Variants in PARP1 observed in about 807,000 individuals in gnomAD.
The protein encoded by PARP1 is poly [ADP-ribose] polymerase 1.
Under a neutral mutation model 118.7 loss-of-function variants are expected in PARP1, and 44 were observed. The ratio of observed to expected loss-of-function variants is 0.37; its 90% CI spans 0.29 to 0.48. The LOEUF (loss-of-function observed/expected upper bound fraction) is 0.48. Ranked by LOEUF, PARP1 falls within the 20% of genes least tolerant of loss-of-function variation. The pLI is 0.99. For synonymous variants in PARP1, 492 were observed against 483.2 expected, an observed-to-expected ratio of 1.02 and a Z score of -0.24; for missense variants, 1,100 against 1,272.4, an observed-to-expected ratio of 0.86 and a Z score of 2.06.
At position 226,363,457 on chromosome 1, in the gene PARP1, CCA is replaced by C. The variant is rs201210598; in HGVS notation, c.2787-299_2787-298del. ...GGTTTCCGTCCACATTCCACAGTCC[CCA>C]GACCCCTGGCCTTTTACATGACCTT... On this transcript the variant is annotated intron_variant, in intron 20 of 22. Transcript: ENST00000366794. 6.2e-3 allele frequency among the ~76,000 whole-genome samples: 951 copies of C among 152,308 alleles called. 7 individuals are homozygous for C. The highest frequency in any genetic ancestry group is 0.022 in the African/African-American group (920 of 41,568).
chr1:226,390,946 GT>G (rs1225464482), intron 3 of PARP1, among the ~76,000 whole-genome samples: 1 of 151,808 alleles, frequency 6.6e-6, no homozygotes, highest in Non-Finnish European at 1.5e-5. Flanking sequence ...ACATGGTATG[GT>G]GTGCTGGGCA....
intron 2 of PARP1, among the ~76,000 whole-genome samples, chr1:226,397,474 C>CAGTG (rs1664947842): frequency 6.6e-6 from 1 of 151,454 alleles, no homozygotes; most frequent in Non-Finnish European, 1.5e-5. Flanking sequence ...CAAGGGCAGA[C>CAGTG]AGTGATATGG....
At chr1:226,401,959 A>C in intron 2 of PARP1, 1 of 1,441,786 alleles carries the variant, frequency 6.9e-7, no homozygotes, top group Non-Finnish European at 9.1e-7. Context: ...CATGAACAAA[A>C]ATAAAGTATA....
intron 17 of PARP1, chr1:226,366,409 G>T (rs775751223): frequency 1.2e-5 from 4 of 329,718 alleles, no homozygotes; most frequent in Non-Finnish European, 2.4e-5. Flanking sequence ...AGCTCAGCAT[G>T]AGTTAAAACA....
chr1:226,367,526 TTGC>T lies in PARP1; in HGVS notation c.2357_2359del (p.Ser786del). On this transcript the variant is annotated inframe_deletion, in exon 17 of 23. Transcript: ENST00000366794. ...CTCATAGTTGACATCGATGGGATCC[TTGC>T]TGCTATCATCAGACCCTCCCCTGAG... 6.2e-7 allele frequency: 1 copy of T among 1,614,148 alleles called. No homozygotes were observed. The highest frequency in any genetic ancestry group is 8.5e-7 in the Non-Finnish European group (1 of 1,180,018).
intron 2 of PARP1, among the ~76,000 whole-genome samples, chr1:226,397,702 C>T (rs1664952102): frequency 6.6e-6 from 1 of 152,180 alleles, no homozygotes; most frequent in Admixed American, 6.5e-5. Context: ...CTGCCGGCTT[C>T]TCCTCTGCCT....
chr1:226,367,042 T>C (rs1020622982), intron 17 of PARP1: 1 of 270,128 alleles, frequency 3.7e-6, no homozygotes, highest in East Asian at 9.5e-5. Context: ...AACGCAAGCA[T>C]TGTGTTTTTA....
At chr1:226,401,965 G>A (rs916526479) in intron 2 of PARP1, 2 of 1,444,872 alleles carry the variant, frequency 1.4e-6, no homozygotes, top group African/African-American at 2.9e-5. Flanking sequence ...CAAAAATAAA[G>A]TATATTAAAA....
rs138175519 is a variant in PARP1, at chr1:226,361,977, T to C, written c.2955A>G (p.Leu985=). 3.1e-5 allele frequency: 48 copies of C among 1,565,100 alleles called. No homozygotes were observed. The African/African-American group carries it at 4.1e-4, about 13-fold the overall frequency. The change falls in exon 22 of 23, where the codon CTA becomes CTG. Residue 985 remains leucine (L), a synonymous_variant. Coordinates refer to ENST00000366794, the MANE Select transcript of PARP1 (RefSeq NM_001618.4). ...ISSGVNDTSL[L]YNEYIVYDIA... ...TACTCAAGAAAGGATACTCGTTATA[T>C]AGTAGAGAGGTGTCATTCACACCAG... is the stretch of plus-strand genomic sequence containing the variant.
rs756906729 is a variant in PARP1, at chr1:226,388,705, T to G, written c.668A>C (p.Lys223Thr). 6.2e-7 allele frequency: 1 copy of G among 1,614,138 alleles called. No individual in the cohort carries two copies. Among genetic ancestry groups the G allele is most frequent in the South Asian group, 1.1e-5 (1 of 91,082 alleles). ...VDGVDEVAKK[K>T]SKKEKDKDSK... ...ATCCTTGTCTTTTTCTTTTTTAGAT[T>G]TCTTCTTCGCCACTTCATCCACTCC... Residue 223 changes from lysine (K) to threonine (T), a missense_variant, in exon 5 of 23, where the codon AAA becomes ACA. By Grantham distance (78) the Lys-to-Thr change is moderately conservative (BLOSUM62 -1). Transcript: ENST00000366794.
rs759432325 is a variant in PARP1, at chr1:226,361,436, G to GT, written c.*23dup. 6.6e-7 allele frequency: 1 copy of GT among 1,521,806 alleles called. No individual in the cohort carries two copies. Among genetic ancestry groups the GT allele is most frequent in the Non-Finnish European group, 9.1e-7 (1 of 1,096,382 alleles). 94.3% of individuals were successfully genotyped at this position (1,521,806 alleles called of 1,614,324 possible). A position where few individuals can be genotyped will look rare whatever the true frequency, so the allele number is the denominator to read the frequency against. On this transcript the variant is annotated 3_prime_UTR_variant, in exon 23 of 23. Coordinates refer to ENST00000366794, the MANE Select transcript of PARP1 (RefSeq NM_001618.4). ...GGTGAATTCATACCAGAGCCACCGG[G>GT]TGTGACTCGGCTACCTCTCCCAATT...
At chr1:226,374,100 CAAG>C in intron 14 of PARP1, 123 bp downstream of exon 14, 1 of 1,127,288 alleles carries the variant, frequency 8.9e-7, no homozygotes, top group Admixed American at 1.8e-5. Flanking sequence ...AGGACAGGTA[CAAG>C]AAGCTGACAG....
At chr1:226,404,896 G>T (rs992376542) in intron 1 of PARP1, among the ~76,000 whole-genome samples, 2 of 152,152 alleles carry the variant, frequency 1.3e-5, no homozygotes, top group South Asian at 2.1e-4. Context: ...GCCACAGAGA[G>T]AATGAACTGA....
chr1:226,385,426 C>A (rs1445947491), intron 7 of PARP1, 78 bp downstream of exon 7: 3 of 1,231,290 alleles, frequency 2.4e-6, no homozygotes, highest in African/African-American at 1.5e-5. Context: ...ATCTCAGGGA[C>A]CTGAAGTATA....
intron 1 of PARP1, 90 bp downstream of exon 1, chr1:226,407,720 C>T: frequency 1.5e-6 from 2 of 1,374,762 alleles, no homozygotes; most frequent in Admixed American, 4.4e-5. Flanking sequence ...GGCCCGCTCG[C>T]TCCCTGGGCC....
intron 2 of PARP1, among the ~76,000 whole-genome samples, chr1:226,397,982 AT>A (rs1466493880): frequency 1.3e-5 from 2 of 152,146 alleles, no homozygotes; most frequent in Non-Finnish European, 2.9e-5. Flanking sequence ...AAGAAAAAAA[AT>A]AAAGGAATCT....
chr1:226,362,947 C>A (rs946918281), intron 21 of PARP1, 152 bp downstream of exon 21: 3 of 670,796 alleles, frequency 4.5e-6, no homozygotes, highest in African/African-American at 3.6e-5. Context: ...CAAACAACAA[C>A]AACAACGCAC....
rs1203967897 is a variant in PARP1, at chr1:226,360,825, A to G, written c.*635T>C. 1 of 228,192 alleles carries G rather than the reference A, an allele frequency of 4.4e-6. No homozygotes were observed. The highest frequency in any genetic ancestry group is 6.3e-5 in the East Asian group (1 of 15,934). The allele number at this position is 228,192 out of a possible 1,614,324, so 14.1% of individuals were successfully genotyped here. A position where few individuals can be genotyped will look rare whatever the true frequency, so the allele number is the denominator to read the frequency against. ...AATTTCAAATGCAACTTTTAATACTACATATTTCAAGAGCTCCCATGTTCA... is the reference window on the plus strand; with the variant it reads ...AATTTCAAATGCAACTTTTAATACTGCATATTTCAAGAGCTCCCATGTTCA... On this transcript the variant is annotated 3_prime_UTR_variant, in exon 23 of 23. Transcript: ENST00000366794.
chr1:226,388,845 T>G (rs980498193), intron 4 of PARP1, 90 bp from the exon 5 acceptor site: 1 of 971,094 alleles, frequency 1.0e-6, no homozygotes, highest in African/African-American at 1.6e-5. Flanking sequence ...TTAATGTCAT[T>G]CTATCAACTC....
Sources: allele counts gnomAD v4.1 joint callset (sites outside exome capture counted in the v4.1 genomes callset), GRCh38; gene constraint gnomAD v4.1.1; transcripts MANE v1.5; gene names NCBI Gene and HGNC (gene_info 2026-07-23, HGNC 2026-07-21).